The following SEMA4A variants were observed in gnomAD, a reference collection of about 807,000 sequenced individuals.
SEMA4A encodes the protein semaphorin 4A.
SEMA4A carries 52 observed loss-of-function variants against 72.5 expected under a neutral mutation model. The observed-to-expected ratio is 0.72, with a 90% confidence interval of 0.57 to 0.90. The LOEUF is 0.90. Among genes scored for constraint, SEMA4A ranks in the 40% least tolerant of loss-of-function variants. SEMA4A has a pLI of 0.00. For missense variants in SEMA4A, 926 were observed against 959.7 expected (o/e 0.96, Z 0.46); for synonymous variants, 369 against 393.1 (o/e 0.94, Z 0.73).
At chr1:156,149,008 G>T (rs1358008229), upstream of SEMA4A, among the ~76,000 whole-genome samples, 1 of 151,958 alleles carries the variant, frequency 6.6e-6, no homozygotes, top group Non-Finnish European at 1.5e-5. Flanking sequence ...CTCCAGGTTG[G>T]CCAGGCTGGT....
rs2102966219 is a variant in SEMA4A at position 156,162,835 on chromosome 1, A to C, written c.984-109A>C. Reference sequence around the variant, plus strand: ...AGGAGTGGTAGCTGGAGGCTGGCCCAGCTCTCCACACTCTTGCCTCCTGGG... The same window carrying C: ...AGGAGTGGTAGCTGGAGGCTGGCCCCGCTCTCCACACTCTTGCCTCCTGGG... On this transcript the variant is annotated intron_variant, in intron 9 of 14. Coordinates refer to ENST00000368285, the MANE Select transcript of SEMA4A (RefSeq NM_022367.4). 3 of 1,381,252 alleles carry C rather than the reference A, an allele frequency of 2.2e-6. No individual in the cohort carries two copies. The South Asian group carries it at 3.5e-5, about 16-fold the overall frequency. The allele number at this position is 1,381,252 out of a possible 1,614,324, so 85.6% of individuals were successfully genotyped here.
rs1336110547 is a variant in SEMA4A, at chr1:156,161,499, G to T, written c.964G>T (p.Ala322Ser). The T allele has an allele frequency of 3.7e-6, 6 of 1,613,804 alleles. No individual in the cohort carries two copies. In the African/African-American group the frequency reaches 8.0e-5, roughly 22 times the overall value. Reference protein sequence around the residue: ...ADSPTAPHIYAVFTSQWQVGG... With the variant: ...ADSPTAPHIYSVFTSQWQVGG... ...TTCTCCCACAGCTCCCCACATCTAC[G>T]CAGTCTTCACCTCCCAGTGGTGAGC... The change falls in exon 9 of 15, where the codon GCA (alanine) becomes TCA (serine). Residue 322 changes from alanine to serine, a missense_variant. Physicochemically the swap from Ala to Ser is moderately conservative, Grantham distance 99. Transcript: ENST00000368285.
chr1:156,148,801 CTTTTTTTTT>C, upstream of SEMA4A, among the ~76,000 whole-genome samples: 1 of 128,752 alleles, frequency 7.8e-6, no homozygotes, highest in South Asian at 2.5e-4. Context: ...TTTCTTTTTT[CTTTTTTTTT>C]TTTTTTTTTG....
intron 10 of SEMA4A, among the ~76,000 whole-genome samples, chr1:156,169,407 C>CTTTTTTTTTTTTTTT (rs766983966): frequency 1.2e-5 from 1 of 85,292 alleles, no homozygotes. Flanking sequence ...CTTTTCTTTT[C>CTTTTTTTTTTTTTTT]TTTTTTTTTT....
intron 10 of SEMA4A, among the ~76,000 whole-genome samples, chr1:156,165,263 C>T (rs972085121): frequency 6.6e-6 from 1 of 152,182 alleles, no homozygotes; most frequent in South Asian, 2.1e-4. Context: ...CAGATGCCAT[C>T]CTGGAATTCC....
intron 10 of SEMA4A, among the ~76,000 whole-genome samples, chr1:156,169,856 C>G (rs543743946): frequency 1.3e-4 from 19 of 151,810 alleles, no homozygotes; most frequent in Non-Finnish European, 2.2e-4. Flanking sequence ...GAAACCCCGT[C>G]TCTACTAAAA....
intron 6 of SEMA4A, 22 bp from the exon 7 acceptor site, chr1:156,160,421 C>T: frequency 1.9e-6 from 3 of 1,583,500 alleles, no homozygotes; most frequent in Non-Finnish European, 2.6e-6. Flanking sequence ...TCAGTTCTCT[C>T]TTCTCCTCTC....
At position 156,175,350 on chromosome 1, in the gene SEMA4A, C is replaced by T; in HGVS notation, c.1592+107C>T. The T allele has an allele frequency of 8.0e-6, 11 of 1,376,626 alleles. No homozygotes were observed. In the South Asian group the frequency reaches 1.0e-4, roughly 13 times the overall value. The allele number at this position is 1,376,626 out of a possible 1,614,324, so 85.3% of individuals were successfully genotyped here. A position where few individuals can be genotyped will look rare whatever the true frequency, so the allele number is the denominator to read the frequency against. On this transcript the variant is annotated intron_variant, in intron 13 of 14. Transcript: ENST00000368285. ...CCAGGGGCTACTGACATATTCACTCCAAGAGTCCTCCCATCCTGCAGTGGG... is the reference window on the plus strand; with the variant it reads ...CCAGGGGCTACTGACATATTCACTCTAAGAGTCCTCCCATCCTGCAGTGGG...
upstream of SEMA4A, among the ~76,000 whole-genome samples, chr1:156,150,916 G>A (rs1652485595): frequency 6.6e-6 from 1 of 152,094 alleles, no homozygotes; most frequent in African/African-American, 2.4e-5. Flanking sequence ...GAAATGGGCT[G>A]GGGGAAACCC....
intron 6 of SEMA4A, chr1:156,159,029 C>T: frequency 3.3e-6 from 1 of 300,480 alleles, no homozygotes; most frequent in South Asian, 3.3e-5. Flanking sequence ...GCGAGATCGT[C>T]TCAAAAAAAA....
chr1:156,162,138 G>A (rs1338479732), intron 9 of SEMA4A, among the ~76,000 whole-genome samples: 1 of 152,222 alleles, frequency 6.6e-6, no homozygotes, highest in Non-Finnish European at 1.5e-5. Context: ...GCGCATGCCT[G>A]TAGTCCCAGC....
intron 2 of SEMA4A, chr1:156,156,169 C>T: frequency 2.0e-6 from 1 of 511,622 alleles, no homozygotes. Flanking sequence ...CTGTGCCTCA[C>T]TTTATTTCCC....
At chr1:156,152,454 A>G (rs1652615298), upstream of SEMA4A, among the ~76,000 whole-genome samples, 1 of 152,154 alleles carries the variant, frequency 6.6e-6, no homozygotes, top group Non-Finnish European at 1.5e-5. Flanking sequence ...CTGGCTTCCC[A>G]AATCTGAGCT....
Position 156,176,649 on chromosome 1 carries a change from C to T in SEMA4A, c.1938C>T (p.Thr646=), listed in dbSNP as rs927722104. 9 of 1,614,048 alleles carry T rather than the reference C, an allele frequency of 5.6e-6. No homozygotes were observed. In the African/African-American group the frequency reaches 6.7e-5, roughly 12 times the overall value. ...ACTGGGTGGACAGCCAGGACCAGACCCTGGCCCTGGATCCTGAACTGGCAG... is the reference window on the plus strand; with the variant it reads ...ACTGGGTGGACAGCCAGGACCAGACTCTGGCCCTGGATCCTGAACTGGCAG... ...ISYWVDSQDQ[T]LALDPELAGI... Residue 646 remains threonine, a synonymous_variant, in exon 15 of 15, where the codon ACC becomes ACT. Coordinates refer to ENST00000368285, the MANE Select transcript of SEMA4A (RefSeq NM_022367.4).
At chr1:156,174,393 A>T (rs1266523050) in intron 11 of SEMA4A, among the ~76,000 whole-genome samples, 1 of 152,184 alleles carries the variant, frequency 6.6e-6, no homozygotes, top group Non-Finnish European at 1.5e-5. Flanking sequence ...ACATCATGAG[A>T]TTTGAGTCAC....
At chr1:156,149,230 G>T (rs1572377830), upstream of SEMA4A, among the ~76,000 whole-genome samples, 1 of 152,178 alleles carries the variant, frequency 6.6e-6, no homozygotes, top group Non-Finnish European at 1.5e-5. Flanking sequence ...TCTCAAAAAG[G>T]CTCCATACAA....
intron 10 of SEMA4A, among the ~76,000 whole-genome samples, chr1:156,167,984 G>A (rs1654335048): frequency 2.0e-5 from 3 of 152,014 alleles, no homozygotes; most frequent in Admixed American, 6.6e-5. Context: ...GCAATGGCGC[G>A]ATCTTAGCTC....
intron 11 of SEMA4A, among the ~76,000 whole-genome samples, chr1:156,173,583 T>C (rs560514133): frequency 1.3e-5 from 2 of 151,610 alleles, no homozygotes; most frequent in African/African-American, 2.4e-5. Context: ...CCAGGACACA[T>C]GTCGAGCTGG....
At chr1:156,161,754 G>T (rs1356562656) in intron 9 of SEMA4A, 1 of 519,036 alleles carries the variant, frequency 1.9e-6, no homozygotes, top group Non-Finnish European at 3.4e-6. Flanking sequence ...TTCCAAAAGG[G>T]ATAGGAAGCA....
Sources: gnomAD v4.1 joint callset for allele counts (sites outside exome capture counted in the v4.1 genomes callset) on GRCh38, gnomAD v4.1.1 for gene constraint, MANE v1.5 for transcripts, NCBI Gene and HGNC (gene_info 2026-07-23, HGNC 2026-07-21) for gene names.